HS6ST3: variants seen among roughly 807,000 people sequenced by gnomAD.
The protein encoded by HS6ST3 is heparan sulfate 6-O-sulfotransferase 3, also known as heparan-sulfate 6-O-sulfotransferase 3.
HS6ST3 carries 12 observed loss-of-function variants against 36.7 expected under a neutral mutation model. The observed-to-expected ratio is 0.33, with a 90% CI of 0.21 to 0.53. The LOEUF is 0.53. Among genes scored for constraint, HS6ST3 ranks in the 20% least tolerant of loss-of-function variants. The probability of loss-of-function intolerance (pLI) is 0.95; values close to 1 mark genes in which losing one functional copy is unlikely to be tolerated. For synonymous variants in HS6ST3, 240 were observed against 257.5 expected, an observed-to-expected ratio of 0.93 and a Z score of 0.65; for missense variants, 584 against 640.9, an observed-to-expected ratio of 0.91 and a Z score of 0.96.
rs148047048 is a variant in HS6ST3, at chr13:96,595,453, A to AT, written c.708-237029dup. Among the ~76,000 whole-genome samples, 887 of 150,904 alleles carry AT rather than the reference A, an allele frequency of 5.9e-3. 5 individuals are homozygous for AT. Among genetic ancestry groups the AT allele is most frequent in the African/African-American group, 0.02 (829 of 41,070 alleles). Reference sequence around the variant, plus strand: ...TTTTTTTTCTCTTGCTGCTTTCAGGATTTTTTTTCTCTCTCTCTCTCTCTT... The same window carrying AT: ...TTTTTTTTCTCTTGCTGCTTTCAGGATTTTTTTTTCTCTCTCTCTCTCTCTT... On this transcript the variant is annotated intron_variant, in intron 1 of 1. Coordinates refer to ENST00000376705, the MANE Select transcript of HS6ST3 (RefSeq NM_153456.4).
chr13:96,304,623 CAT>C (rs1320346576), intron 1 of HS6ST3, among the ~76,000 whole-genome samples: 4 of 150,560 alleles, frequency 2.7e-5, no homozygotes, highest in African/African-American at 9.8e-5. Context: ...AAGAGAATAA[CAT>C]ATATAATGTG....
intron 1 of HS6ST3, among the ~76,000 whole-genome samples, chr13:96,674,222 C>T (rs902955368): frequency 7.9e-5 from 12 of 151,950 alleles, no homozygotes; most frequent in Non-Finnish European, 1.8e-4. Context: ...TCCCCTGCTC[C>T]CCCCATGTAA....
At chr13:96,437,720 A>G (rs1305660535) in intron 1 of HS6ST3, among the ~76,000 whole-genome samples, 1 of 152,226 alleles carries the variant, frequency 6.6e-6, no homozygotes, top group Non-Finnish European at 1.5e-5. Flanking sequence ...GCCTTTGCTT[A>G]TTCAGTATCT....
intron 1 of HS6ST3, among the ~76,000 whole-genome samples, chr13:96,822,401 C>A (rs1254785794): frequency 6.6e-6 from 1 of 152,162 alleles, no homozygotes; most frequent in African/African-American, 2.4e-5. Flanking sequence ...CTGGGAGGAA[C>A]TGTACTCAGC....
chr13:96,258,714 A>G (rs928584582), intron 1 of HS6ST3, among the ~76,000 whole-genome samples: 4 of 152,184 alleles, frequency 2.6e-5, no homozygotes, highest in African/African-American at 9.6e-5. Context: ...TCTGACCTAT[A>G]GTAGATATTG....
chr13:96,435,172 A>C (rs1045185432), intron 1 of HS6ST3, among the ~76,000 whole-genome samples: 3 of 152,178 alleles, frequency 2.0e-5, no homozygotes, highest in African/African-American at 7.2e-5. Context: ...CCAACAGCTC[A>C]TGTGGTTTCA....
At chr13:96,582,720 A>G (rs1002933044) in intron 1 of HS6ST3, among the ~76,000 whole-genome samples, 5 of 152,140 alleles carry the variant, frequency 3.3e-5, no homozygotes, top group African/African-American at 1.2e-4. Context: ...GAAATCATTT[A>G]TCTTTCATTT....
intron 1 of HS6ST3, among the ~76,000 whole-genome samples, chr13:96,577,099 G>A (rs2056324943): frequency 1.3e-5 from 2 of 152,046 alleles, no homozygotes; most frequent in South Asian, 4.2e-4. Flanking sequence ...CACATGCCAT[G>A]GTGGTTTGCT....
intron 1 of HS6ST3, among the ~76,000 whole-genome samples, chr13:96,410,285 T>C (rs2055500877): frequency 6.6e-6 from 1 of 152,116 alleles, no homozygotes; most frequent in South Asian, 2.1e-4. Context: ...AATATAATAA[T>C]GAAGTTTTTA....
intron 1 of HS6ST3, among the ~76,000 whole-genome samples, chr13:96,751,147 T>C (rs2138492290): frequency 6.6e-6 from 1 of 152,304 alleles, no homozygotes; most frequent in African/African-American, 2.4e-5. Flanking sequence ...CTGATGTGGC[T>C]TGAAGGGTGC....
chr13:96,573,838 G>A (rs923322615), intron 1 of HS6ST3: 8 of 420,792 alleles, frequency 1.9e-5, no homozygotes, highest in African/African-American at 1.7e-4. Flanking sequence ...GGACCTGGAA[G>A]TGCTCCCATC....
chr13:96,619,986 C>T (rs553977016), intron 1 of HS6ST3, among the ~76,000 whole-genome samples: 2 of 152,116 alleles, frequency 1.3e-5, no homozygotes, highest in Non-Finnish European at 2.9e-5. Flanking sequence ...ATCCCTTCCC[C>T]GTCTGAGAAG....
chr13:96,589,328 T>C (rs564069908), intron 1 of HS6ST3, among the ~76,000 whole-genome samples: 1 of 152,102 alleles, frequency 6.6e-6, no homozygotes, highest in South Asian at 2.1e-4. Flanking sequence ...TAATTTTTTA[T>C]GTATAATTGT....
chr13:96,453,890 A>G (rs1448344552), intron 1 of HS6ST3, among the ~76,000 whole-genome samples: 1 of 152,000 alleles, frequency 6.6e-6, no homozygotes, highest in East Asian at 1.9e-4. Flanking sequence ...CAAAACATTG[A>G]TATGGAAAAG....
rs537165132 is a variant in HS6ST3 at position 96,222,573 on chromosome 13, T to C, written c.707+131004T>C. On this transcript the variant is annotated intron_variant, in intron 1 of 1. Transcript: ENST00000376705. ...CTGAAATAACACCAGGTAAGTGGGC[T>C]TAGTTTTGTTACCTTGTTGCTGGAT... is the stretch of plus-strand genomic sequence containing the variant. 2.6e-5 allele frequency among the ~76,000 whole-genome samples: 4 copies of C among 152,364 alleles called. No individual in the cohort carries two copies. In the South Asian group the frequency reaches 8.3e-4, roughly 32 times the overall value.
chr13:96,458,574 T>G (rs2055765547), intron 1 of HS6ST3, among the ~76,000 whole-genome samples: 1 of 151,958 alleles, frequency 6.6e-6, no homozygotes, highest in Non-Finnish European at 1.5e-5. Flanking sequence ...TTTTTAACAT[T>G]TGGAATAGGT....
chr13:96,159,122 G>T (rs2054124482), intron 1 of HS6ST3, among the ~76,000 whole-genome samples: 1 of 152,130 alleles, frequency 6.6e-6, no homozygotes, highest in Non-Finnish European at 1.5e-5. Context: ...AGGGGAAGGA[G>T]TATCCAGAGG....
At chr13:96,760,757 G>A (rs1268046214) in intron 1 of HS6ST3, among the ~76,000 whole-genome samples, 1 of 152,048 alleles carries the variant, frequency 6.6e-6, no homozygotes, top group Non-Finnish European at 1.5e-5. Context: ...TATTTTATAA[G>A]TTTAAATTCC....
At chr13:96,503,804 T>C (rs967733050) in intron 1 of HS6ST3, among the ~76,000 whole-genome samples, 2 of 152,148 alleles carry the variant, frequency 1.3e-5, no homozygotes, top group Non-Finnish European at 2.9e-5. Context: ...TGGGCAGCCA[T>C]AGCAAAACAC....
Sources: allele counts gnomAD v4.1 joint callset (sites outside exome capture counted in the v4.1 genomes callset), GRCh38; gene constraint gnomAD v4.1.1; transcripts MANE v1.5; gene names NCBI Gene and HGNC (gene_info 2026-07-23, HGNC 2026-07-21).